The following DYRK1A variants were observed in gnomAD, a reference collection of about 807,000 sequenced individuals.
DYRK1A encodes dual specificity tyrosine-phosphorylation-regulated kinase 1A.
A neutral mutation model predicts 79.7 loss-of-function variants in DYRK1A; 9 were observed. That is an observed-to-expected ratio of 0.11 (90% CI 0.07 to 0.20). DYRK1A has a LOEUF of 0.20. DYRK1A is among the 10% of genes least tolerant of loss of function. The pLI is 1.00. For missense variants in DYRK1A, 622 were observed against 956.0 expected, an observed-to-expected ratio of 0.65 and a Z score of 4.61; for synonymous variants, 349 against 329.7, an observed-to-expected ratio of 1.06 and a Z score of -0.63.
At chr21:37,404,839 A>G (rs540750690) in intron 1 of DYRK1A, among the ~76,000 whole-genome samples, 3 of 152,336 alleles carry the variant, frequency 2.0e-5, no homozygotes, top group Admixed American at 6.5e-5. Context: ...TTAGGCATAC[A>G]GGTTCTTTGC....
At chr21:37,449,962 G>A (rs1162004230) in intron 2 of DYRK1A, among the ~76,000 whole-genome samples, 1 of 152,164 alleles carries the variant, frequency 6.6e-6, no homozygotes, top group African/African-American at 2.4e-5. Flanking sequence ...GGAAAAATAA[G>A]TAGGGGCCAA....
At chr21:37,478,099 T>C (rs1274906599) in intron 3 of DYRK1A, 109 bp from the exon 4 acceptor site, 5 of 1,477,338 alleles carry the variant, frequency 3.4e-6, no homozygotes, top group Non-Finnish European at 4.6e-6. Flanking sequence ...TAGCTGTCTT[T>C]AAAAAAGTAG....
intron 1 of DYRK1A, among the ~76,000 whole-genome samples, chr21:37,374,518 C>G (rs1171922242): frequency 6.6e-6 from 1 of 151,914 alleles, no homozygotes; most frequent in East Asian, 1.9e-4. Context: ...GCTCAGATGC[C>G]TCTCTTTCTG....
chr21:37,495,694 T>C (rs2053246719), intron 8 of DYRK1A, among the ~76,000 whole-genome samples: 1 of 151,962 alleles, frequency 6.6e-6, no homozygotes, highest in Admixed American at 6.6e-5. Context: ...GAAGCTGAGG[T>C]GAGAGGATCA....
intron 2 of DYRK1A, among the ~76,000 whole-genome samples, chr21:37,457,295 C>T (rs1412550206): frequency 5.9e-5 from 9 of 152,242 alleles, no homozygotes; most frequent in Admixed American, 1.3e-4. Context: ...TGCAGGGGCA[C>T]GGACTCGGCT....
intron 2 of DYRK1A, among the ~76,000 whole-genome samples, chr21:37,466,184 A>G (rs2052019816): frequency 6.6e-6 from 1 of 152,228 alleles, no homozygotes; most frequent in Non-Finnish European, 1.5e-5. Flanking sequence ...TGCATCTTTC[A>G]GTCTGATTCT....
At chr21:37,382,407 A>C (rs963898915) in intron 1 of DYRK1A, among the ~76,000 whole-genome samples, 1 of 152,018 alleles carries the variant, frequency 6.6e-6, no homozygotes, top group African/African-American at 2.4e-5. Flanking sequence ...TGTAAAGGAA[A>C]ACCTGGCTTG....
chr21:37,417,990 CA>C (rs1384674705), intron 1 of DYRK1A, among the ~76,000 whole-genome samples: 1 of 151,434 alleles, frequency 6.6e-6, no homozygotes, highest in Non-Finnish European at 1.5e-5. Context: ...ATATTTTTCT[CA>C]AAAAAATGAA....
chr21:37,423,883 T>C (rs1206282439), intron 2 of DYRK1A, among the ~76,000 whole-genome samples: 1 of 152,180 alleles, frequency 6.6e-6, no homozygotes, highest in African/African-American at 2.4e-5. Flanking sequence ...TACTCATATA[T>C]ATGAATTTAA....
chr21:37,440,291 A>G (rs569822141), intron 2 of DYRK1A, among the ~76,000 whole-genome samples: 1 of 150,944 alleles, frequency 6.6e-6, no homozygotes, highest in Admixed American at 6.6e-5. Flanking sequence ...GTGTGCCACT[A>G]CGTCTGGCTA....
intron 2 of DYRK1A, among the ~76,000 whole-genome samples, chr21:37,469,810 G>A (rs1165068980): frequency 6.6e-6 from 1 of 152,122 alleles, no homozygotes; most frequent in African/African-American, 2.4e-5. Flanking sequence ...CAATATTGGG[G>A]ATTACAGTTC....
At chr21:37,507,327 C>G (rs2148654195) in intron 11 of DYRK1A, among the ~76,000 whole-genome samples, 1 of 152,268 alleles carries the variant, frequency 6.6e-6, no homozygotes, top group Non-Finnish European at 1.5e-5. Context: ...GGTGTCTTCA[C>G]TCTCTCCTCT....
chr21:37,463,265 G>T lies in DYRK1A; in HGVS notation c.11-9419G>T, dbSNP rs540781830. Among the ~76,000 whole-genome samples, 4 of 146,058 alleles carry T rather than the reference G, an allele frequency of 2.7e-5. No individual in the cohort carries two copies. The East Asian group carries it at 8.8e-4, about 32-fold the overall frequency. The stretch of plus-strand genomic sequence containing the variant: ...TAGTAACACATATTGGCCACTAGAG[G>T]GTAATAAGAAAGCAGTTCATTTGTT... On this transcript the variant is annotated intron_variant, in intron 2 of 11. Coordinates refer to ENST00000647188, the MANE Select transcript of DYRK1A (RefSeq NM_001347721.2).
chr21:37,509,828 C>T (rs2053701090), intron 11 of DYRK1A, among the ~76,000 whole-genome samples: 1 of 152,144 alleles, frequency 6.6e-6, no homozygotes, highest in Admixed American at 6.5e-5. Context: ...CCTTCTTATC[C>T]ACAGTTCCAG....
rs189563208 is a variant in DYRK1A, at chr21:37,485,942, C to G, written c.490-525C>G. On this transcript the variant is annotated intron_variant, in intron 5 of 11. Coordinates refer to ENST00000647188, the MANE Select transcript of DYRK1A (RefSeq NM_001347721.2). Reference sequence around the variant, plus strand: ...GTGTTTGATTTTTTTTTAGTCTAAACCAATTTTTCTTTTATATACTTAGGT... The same window carrying G: ...GTGTTTGATTTTTTTTTAGTCTAAAGCAATTTTTCTTTTATATACTTAGGT... Among the ~76,000 whole-genome samples the G allele has an allele frequency of 7.7e-3, 1,176 of 151,964 alleles. 5 individuals carry two copies. The highest frequency in any genetic ancestry group is 0.012 in the Non-Finnish European group (791 of 67,942).
intron 2 of DYRK1A, among the ~76,000 whole-genome samples, chr21:37,457,096 A>T (rs1391361971): frequency 6.6e-6 from 1 of 151,576 alleles, no homozygotes; most frequent in African/African-American, 2.4e-5. Flanking sequence ...TAGAGACAGA[A>T]TCTCGCTCTG....
In DYRK1A at chr21:37,512,238, A is replaced by G; in HGVS notation, c.1972A>G (p.Thr658Ala). ...GTCTTCCTCAACGACTTCTTCCTCG[A>G]CATCTTCCTCCTCTACTGGTAACCA... ...SLSSSTTSSS[T>A]SSSSTGNQGN... Residue 658 changes from threonine (T) to alanine (A), a missense_variant, in exon 12 of 12, where the codon ACA becomes GCA. Around this residue, in one of 5 missense-constraint regions of DYRK1A, gnomAD observed 292 missense variants for 316.7 expected, o/e 0.92. Transcript: ENST00000647188. 1 of 1,614,182 alleles carries G rather than the reference A, an allele frequency of 6.2e-7. No homozygotes were observed. The highest frequency in any genetic ancestry group is 8.5e-7 in the Non-Finnish European group (1 of 1,180,024).
intron 3 of DYRK1A, 62 bp from the exon 4 acceptor site, chr21:37,478,146 A>C (rs374881184): frequency 1.1e-5 from 18 of 1,604,744 alleles, no homozygotes; most frequent in Non-Finnish European, 1.5e-5. Context: ...TTTATATCTT[A>C]TAGTTAAAGT....
chr21:37,427,049 G>C (rs2148443724), intron 2 of DYRK1A, among the ~76,000 whole-genome samples: 1 of 152,148 alleles, frequency 6.6e-6, no homozygotes, highest in South Asian at 2.1e-4. Flanking sequence ...CTCTGAAGAA[G>C]AACTAAAGCA....
Sources: gnomAD v4.1 joint callset for allele counts (sites outside exome capture counted in the v4.1 genomes callset) on GRCh38, gnomAD v4.1.1 for gene constraint, gnomAD v4.1.1 regional missense constraint, MANE v1.5 for transcripts, NCBI Gene and HGNC (gene_info 2026-07-23, HGNC 2026-07-21) for gene names.